MICAL2: variants seen among roughly 807,000 people sequenced by gnomAD.
The protein encoded by MICAL2 is [F-actin]-monooxygenase MICAL2.
MICAL2 carries 77 observed loss-of-function variants against 127.3 expected under a neutral mutation model. The ratio of observed to expected loss-of-function variants is 0.60; its 90% CI spans 0.50 to 0.73. The LOEUF is 0.73. Ranked by LOEUF, MICAL2 falls within the 30% of genes least tolerant of loss-of-function variation. MICAL2 has a pLI of 0.00. For synonymous variants in MICAL2, 570 were observed against 551.1 expected (o/e 1.03, Z -0.48); for missense variants, 1,351 against 1,434.4 (o/e 0.94, Z 0.94).
At chr11:12,350,912 G>A (rs1430106077) in intron 33 of MICAL2, among the ~76,000 whole-genome samples, 1 of 152,130 alleles carries the variant, frequency 6.6e-6, no homozygotes, top group Non-Finnish European at 1.5e-5. Context: ...GAAACACAAG[G>A]AAGGACCTGT....
chr11:12,210,797 G>A (rs1169808242), intron 6 of MICAL2, among the ~76,000 whole-genome samples: 1 of 152,192 alleles, frequency 6.6e-6, no homozygotes, highest in African/African-American at 2.4e-5. Flanking sequence ...AACTAGAGCA[G>A]GGCTTCTTAG....
In MICAL2 at chr11:12,226,337, G is replaced by A. The variant is rs112284613; in HGVS notation, c.1855G>A (p.Glu619Lys). Residue 619 changes from glutamate (E) to lysine (K), a missense_variant, in exon 14 of 28, where the codon GAG becomes AAG. Glu to Lys is a moderately conservative substitution (Grantham distance 56). Transcript: ENST00000683283. ...GGTCATGTACCTCTCCAAGTTCTAC[G>A]AGCTCTTCCGGGGCACCCCACTGAG... ...SMVMYLSKFY[E>K]LFRGTPLRPV... 2.8e-5 allele frequency: 45 copies of A among 1,613,886 alleles called. No individual in the cohort carries two copies. Among genetic ancestry groups the A allele is most frequent in the Non-Finnish European group, 3.6e-5 (42 of 1,179,950 alleles).
chr11:12,200,159 G>A (rs16910743), intron 3 of MICAL2, among the ~76,000 whole-genome samples: 3,283 of 152,320 alleles, frequency 0.022, 113 homozygotes, highest in African/African-American at 0.075. Context: ...CAGCCTTAGA[G>A]GAACCCTTGG....
chr11:12,331,264 T>G (rs1028914002), intron 32 of MICAL2, among the ~76,000 whole-genome samples: 1 of 152,232 alleles, frequency 6.6e-6, no homozygotes, highest in African/African-American at 2.4e-5. Flanking sequence ...TGGAATCTGA[T>G]GAAAACTGAG....
chr11:12,237,701 G>A (rs911466852), intron 16 of MICAL2, among the ~76,000 whole-genome samples: 21 of 152,296 alleles, frequency 1.4e-4, no homozygotes, highest in African/African-American at 4.6e-4. Context: ...TTTTAACAAA[G>A]CAATATTCTT....
At chr11:12,292,142 G>A (rs750023266), downstream of MICAL2, 2 of 1,612,938 alleles carry the variant, frequency 1.2e-6, no homozygotes, top group African/African-American at 2.7e-5. Flanking sequence ...TTCCTTGGTA[G>A]GTTTGACGCC....
Position 12,221,830 on chromosome 11 carries a change from C to G in MICAL2, c.1322+71C>G, listed in dbSNP as rs533562883. 5.7e-6 allele frequency: 7 copies of G among 1,221,960 alleles called. No homozygotes were observed. In the African/African-American group the frequency reaches 6.0e-5, roughly 10 times the overall value. The allele number at this position is 1,221,960 out of a possible 1,614,324, so 75.7% of individuals were successfully genotyped here. ...GGCAGGAAAGGGGGCAAGATCACCCCGCAGGTGACTGCTGGATATACCTGG... is the reference window on the plus strand; with the variant it reads ...GGCAGGAAAGGGGGCAAGATCACCCGGCAGGTGACTGCTGGATATACCTGG... On this transcript the variant is annotated intron_variant, in intron 10 of 27. Transcript: ENST00000683283.
chr11:12,168,327 CATACATATATACAA>C (rs139544740), intron 3 of MICAL2, among the ~76,000 whole-genome samples: 12,094 of 151,222 alleles, frequency 0.08, 629 homozygotes, highest in African/African-American at 0.15. Flanking sequence ...ACACATCACA[CATACATATATACAA>C]ATACATATAT....
At chr11:12,319,416 A>C (rs1864266391) in intron 29 of MICAL2, among the ~76,000 whole-genome samples, 1 of 151,004 alleles carries the variant, frequency 6.6e-6, no homozygotes, top group African/African-American at 2.4e-5. Flanking sequence ...TTAAGGAATT[A>C]ATTGATTTCT....
intron 15 of MICAL2, among the ~76,000 whole-genome samples, chr11:12,233,940 G>A (rs1168584711): frequency 6.6e-6 from 1 of 152,204 alleles, no homozygotes; most frequent in Non-Finnish European, 1.5e-5. Flanking sequence ...CTAGCTCTTA[G>A]TTGAGAATCA....
intron 3 of MICAL2, among the ~76,000 whole-genome samples, chr11:12,180,921 C>CTTTTTTTTTTTTTTTTTTTTTTTTTT (rs56946936): frequency 1.2e-5 from 1 of 82,474 alleles, no homozygotes; most frequent in Non-Finnish European, 2.5e-5. Context: ...TATTTTCCTT[C>CTTTTTTTTTTTTTTTTTTTTTTTTTT]TTTTTTTTTT....
Position 12,236,192 on chromosome 11 carries a change from G to A in MICAL2, c.2011G>A (p.Gly671Arg), listed in dbSNP as rs755700019. The A allele has an allele frequency of 3.7e-5, 60 of 1,614,052 alleles. No individual in the cohort carries two copies. Among genetic ancestry groups the A allele is most frequent in the Non-Finnish European group, 4.4e-5 (52 of 1,180,028 alleles). ...KRTPRVDGQT[G>R]ENDMNKRRRK... ...GCCATTGCAGGTGGATGGTCAAACC[G>A]GAGAGAATGACATGAACAAACGGAG... Residue 671 changes from glycine to arginine, a missense_variant, in exon 16 of 28, where the codon GGA (glycine) becomes AGA (arginine). By Grantham distance (125) the Gly-to-Arg change is moderately radical. Around this residue, in one of 2 missense-constraint regions of MICAL2, gnomAD observed 752 missense variants for 719.4 expected, o/e 1.05. Coordinates refer to ENST00000683283, the MANE Select transcript of MICAL2 (RefSeq NM_001282663.2).
intron 30 of MICAL2, among the ~76,000 whole-genome samples, chr11:12,323,479 C>T (rs577755691): frequency 2.0e-5 from 3 of 152,142 alleles, no homozygotes; most frequent in Non-Finnish European, 4.4e-5. Flanking sequence ...CTTGCCTACC[C>T]GTCTCTCTCT....
At chr11:12,155,509 C>A (rs191692396) in intron 2 of MICAL2, among the ~76,000 whole-genome samples, 3 of 151,996 alleles carry the variant, frequency 2.0e-5, no homozygotes, top group African/African-American at 7.3e-5. Context: ...CGTACACATA[C>A]GCATATACAC....
intron 17 of MICAL2, among the ~76,000 whole-genome samples, chr11:12,240,742 G>A (rs1338812446): frequency 2.0e-5 from 3 of 152,218 alleles, no homozygotes; most frequent in Non-Finnish European, 1.5e-5. Context: ...CCTGGCATGG[G>A]CTCTGGCAGT....
At chr11:12,201,720 T>C (rs1854016352) in intron 3 of MICAL2, among the ~76,000 whole-genome samples, 1 of 152,230 alleles carries the variant, frequency 6.6e-6, no homozygotes, top group South Asian at 2.1e-4. Flanking sequence ...GCAGTGTCCA[T>C]TGAGGACCGA....
At chr11:12,233,407 T>C (rs1388824131) in intron 15 of MICAL2, among the ~76,000 whole-genome samples, 3 of 152,214 alleles carry the variant, frequency 2.0e-5, no homozygotes, top group Admixed American at 6.5e-5. Context: ...AACAAAACCA[T>C]AGCCTGCAAT....
At chr11:12,358,281 T>C in intron 34 of MICAL2, 1 of 1,607,352 alleles carries the variant, frequency 6.2e-7, no homozygotes, top group Non-Finnish European at 8.5e-7. Flanking sequence ...AGTGGTTTTC[T>C]TTTTTTTCTT....
At chr11:12,300,573 G>T (rs1287005579) in intron 29 of MICAL2, among the ~76,000 whole-genome samples, 1 of 152,056 alleles carries the variant, frequency 6.6e-6, no homozygotes, top group African/African-American at 2.4e-5. Context: ...GTGTGGGAGG[G>T]CCCATGAACA....
Sources: gnomAD v4.1 joint callset for allele counts (sites outside exome capture counted in the v4.1 genomes callset) on GRCh38, gnomAD v4.1.1 for gene constraint, gnomAD v4.1.1 regional missense constraint, MANE v1.5 for transcripts, NCBI Gene and HGNC (gene_info 2026-07-23, HGNC 2026-07-21) for gene names.